Variants in ICA1L observed in about 807,000 individuals in gnomAD.
ICA1L encodes islet cell autoantigen 1-like protein.
ICA1L carries 50 observed loss-of-function variants against 61.3 expected under a neutral mutation model. That is an observed-to-expected ratio of 0.82 (90% CI 0.65 to 1.03). The LOEUF (loss-of-function observed/expected upper bound fraction) is 1.03. Ranked by LOEUF, ICA1L falls within the 50% of genes least tolerant of loss-of-function variation. ICA1L has a pLI of 0.00. For missense variants in ICA1L, 508 were observed against 556.7 expected (o/e 0.91, Z 0.88); for synonymous variants, 161 against 191.3 (o/e 0.84, Z 1.31).
chr2:202,817,011 C>T (rs1693557917), intron 6 of ICA1L, among the ~76,000 whole-genome samples: 1 of 152,180 alleles, frequency 6.6e-6, no homozygotes, highest in African/African-American at 2.4e-5. Context: ...ATAGGTGTCA[C>T]TTTCCTCATC....
At chr2:202,822,276 C>T (rs897567658) in intron 3 of ICA1L, among the ~76,000 whole-genome samples, 3 of 152,114 alleles carry the variant, frequency 2.0e-5, no homozygotes, top group Non-Finnish European at 4.4e-5. Context: ...ATCCTCCTGC[C>T]TCAGCCTCCT....
chr2:202,858,262 C>T (rs1694817668), intron 1 of ICA1L, among the ~76,000 whole-genome samples: 1 of 152,198 alleles, frequency 6.6e-6, no homozygotes, highest in African/African-American at 2.4e-5. Context: ...AAATGAGGCA[C>T]ATATGCATCA....
chr2:202,791,260 G>T (rs1692740255), intron 10 of ICA1L, among the ~76,000 whole-genome samples: 1 of 152,148 alleles, frequency 6.6e-6, no homozygotes, highest in African/African-American at 2.4e-5. Flanking sequence ...CAATCAGCTG[G>T]AAGAAGCAAA....
intron 1 of ICA1L, among the ~76,000 whole-genome samples, chr2:202,833,389 T>A (rs2105864092): frequency 6.6e-6 from 1 of 152,190 alleles, no homozygotes. Context: ...AAGACCAGTC[T>A]GGCCAAGATG....
chr2:202,811,734 T>C lies in ICA1L; in HGVS notation c.910+12A>G, dbSNP rs371897524. ...ATGTGACCATTTCAAAGTAATAAAT[T>C]TACCATCTTACCTTGTTCACTCTCA... On this transcript the variant is annotated intron_variant, in intron 9 of 12. Transcript: ENST00000358299. The C allele has an allele frequency of 1.6e-5, 25 of 1,574,042 alleles. No individual in the cohort carries two copies. The highest frequency in any genetic ancestry group is 2.1e-5 in the Non-Finnish European group (24 of 1,149,072).
Position 202,864,522 on chromosome 2 carries a change from C to T in ICA1L, c.-8+7097G>A, listed in dbSNP as rs1433801458. On this transcript the variant is annotated intron_variant, in intron 1 of 12. Transcript: ENST00000358299. ...TGCTGGGATTACAGGCGCCTACAGA[C>T]CAATATTTTTATTAAATATGAATGC... Among the ~76,000 whole-genome samples the T allele has an allele frequency of 2.0e-5, 3 of 151,944 alleles. No homozygotes were observed. The East Asian group carries it at 5.8e-4, about 29-fold the overall frequency.
chr2:202,773,408 A>G lies in ICA1L; in HGVS notation c.*6125T>C, dbSNP rs1692114838. The G allele has an allele frequency of 5.9e-6, 1 of 169,184 alleles. No homozygotes were observed. Among genetic ancestry groups the G allele is most frequent in the Admixed American group, 5.7e-5 (1 of 17,570 alleles). 10.5% of individuals were successfully genotyped at this position (169,184 alleles called of 1,614,324 possible). On this transcript the variant is annotated 3_prime_UTR_variant, in exon 13 of 13. Coordinates refer to ENST00000358299, the MANE Select transcript of ICA1L (RefSeq NM_001288622.3). ...TGAAGCTAAACAAACAAAGAAAACA[A>G]AATTTCAATGACTCTTAGATGAATG...
At chr2:202,847,998 CAT>C (rs912003879) in intron 1 of ICA1L, among the ~76,000 whole-genome samples, 15 of 152,084 alleles carry the variant, frequency 9.9e-5, no homozygotes, top group African/African-American at 1.9e-4. Flanking sequence ...TCAAATGCCA[CAT>C]GTTTTCATTT....
At chr2:202,785,078 G>A (rs1013152470) in intron 12 of ICA1L, among the ~76,000 whole-genome samples, 1 of 151,814 alleles carries the variant, frequency 6.6e-6, no homozygotes, top group Non-Finnish European at 1.5e-5. Context: ...AATTAACTGG[G>A]CATTGTGGCA....
chr2:202,798,468 T>C (rs758054485), intron 9 of ICA1L, among the ~76,000 whole-genome samples: 4 of 152,160 alleles, frequency 2.6e-5, no homozygotes, highest in Non-Finnish European at 5.9e-5. Flanking sequence ...TTTGAACTTC[T>C]GGGCTCAAGC....
chr2:202,828,625 TA>T (rs1354618507), intron 2 of ICA1L, among the ~76,000 whole-genome samples: 1 of 152,218 alleles, frequency 6.6e-6, no homozygotes, highest in Non-Finnish European at 1.5e-5. Flanking sequence ...ACTTTATTCA[TA>T]TTTTATCTAA....
chr2:202,781,567 C>G (rs907174083), intron 12 of ICA1L, among the ~76,000 whole-genome samples: 5 of 148,306 alleles, frequency 3.4e-5, no homozygotes, highest in African/African-American at 1.2e-4. Flanking sequence ...GAGTGTGACC[C>G]TGTCTCAAAA....
intron 1 of ICA1L, among the ~76,000 whole-genome samples, chr2:202,857,393 T>A (rs1233224905): frequency 2.0e-4 from 30 of 152,138 alleles, no homozygotes; most frequent in Admixed American, 2.0e-3. Context: ...CCCTATTTAA[T>A]AAATGGTGTG....
intron 8 of ICA1L, among the ~76,000 whole-genome samples, chr2:202,813,091 T>C (rs1234724228): frequency 6.6e-6 from 1 of 151,958 alleles, no homozygotes; most frequent in Non-Finnish European, 1.5e-5. Flanking sequence ...AAACTCCATC[T>C]CTACTAAAAA....
At chr2:202,859,327 C>A (rs1343627618) in intron 1 of ICA1L, among the ~76,000 whole-genome samples, 1 of 152,170 alleles carries the variant, frequency 6.6e-6, no homozygotes, top group East Asian at 1.9e-4. Context: ...GATTTGGTTA[C>A]TGAGATACTG....
At chr2:202,840,680 G>T in intron 1 of ICA1L, 1 of 595,214 alleles carries the variant, frequency 1.7e-6, no homozygotes, top group Non-Finnish European at 3.2e-6. Context: ...CAGCTGCTAC[G>T]CCATGTCCTG....
At chr2:202,870,987 G>C (rs1468854656) in intron 1 of ICA1L, 2 of 152,246 alleles carry the variant, frequency 1.3e-5, no homozygotes, top group Non-Finnish European at 2.9e-5. Flanking sequence ...CCGTGGGGTC[G>C]GGTTGCCGGC....
chr2:202,816,373 T>A (rs1004746577), intron 6 of ICA1L, among the ~76,000 whole-genome samples: 1 of 152,220 alleles, frequency 6.6e-6, no homozygotes, highest in Non-Finnish European at 1.5e-5. Flanking sequence ...GAGGAACATA[T>A]GTGTAATCTT....
intron 10 of ICA1L, among the ~76,000 whole-genome samples, chr2:202,794,080 T>C (rs1692841835): frequency 6.6e-6 from 1 of 151,846 alleles, no homozygotes; most frequent in African/African-American, 2.4e-5. Context: ...AATGCAAACA[T>C]GATATAGTAT....
Sources: gnomAD v4.1 joint callset for allele counts (sites outside exome capture counted in the v4.1 genomes callset) on GRCh38, gnomAD v4.1.1 for gene constraint, MANE v1.5 for transcripts, NCBI Gene and HGNC (gene_info 2026-07-23, HGNC 2026-07-21) for gene names.